The following NAA30 variants were observed in gnomAD, a reference collection of about 807,000 sequenced individuals.
NAA30 encodes N-alpha-acetyltransferase 30.
Under a neutral mutation model 31.4 loss-of-function variants are expected in NAA30, and 5 were observed. That is an observed-to-expected ratio of 0.16 (90% CI 0.08 to 0.33). The LOEUF is 0.33. NAA30 is among the 10% of genes least tolerant of loss of function. The probability of loss-of-function intolerance (pLI) is 1.00; values close to 1 mark genes in which losing one functional copy is unlikely to be tolerated. For missense variants in NAA30, 428 were observed against 490.8 expected, an observed-to-expected ratio of 0.87 and a Z score of 1.21; for synonymous variants, 222 against 207.1, an observed-to-expected ratio of 1.07 and a Z score of -0.62.
chr14:57,390,593 C>G lies in NAA30; in HGVS notation c.-114C>G, dbSNP rs1022318231. The G allele has an allele frequency of 1.1e-5, 3 of 281,168 alleles. No individual in the cohort carries two copies. Among genetic ancestry groups the G allele is most frequent in the African/African-American group, 6.6e-5 (3 of 45,434 alleles). The allele number at this position is 281,168 out of a possible 1,614,324, so 17.4% of individuals were successfully genotyped here. ...TAACAGCTGAGGCGCTTTACGGCGACGGCGGCTGAGTGAGAACCTTGGCGG... is the reference window on the plus strand; with the variant it reads ...TAACAGCTGAGGCGCTTTACGGCGAGGGCGGCTGAGTGAGAACCTTGGCGG... On this transcript the variant is annotated 5_prime_UTR_variant, in exon 1 of 5. Coordinates refer to ENST00000556492, the MANE Select transcript of NAA30 (RefSeq NM_001011713.3).
intron 4 of NAA30, among the ~76,000 whole-genome samples, chr14:57,407,332 G>T (rs1241176399): frequency 2.0e-5 from 3 of 152,172 alleles, no homozygotes; most frequent in Non-Finnish European, 2.9e-5. Context: ...ATCTTTTAAA[G>T]GTTTAGATTT....
Position 57,412,974 on chromosome 14 carries a change from A to G in NAA30, c.*3458A>G, listed in dbSNP as rs1010032586. On this transcript the variant is annotated 3_prime_UTR_variant, in exon 5 of 5. Transcript: ENST00000556492. The stretch of plus-strand genomic sequence containing the variant: ...TGATTTTTCTAAAAGTACTCAGTCA[A>G]CTCATATGTCAGTTATCGGTACATT... 1 of 152,208 alleles carries G rather than the reference A, an allele frequency of 6.6e-6. No individual in the cohort carries two copies. The highest frequency in any genetic ancestry group is 2.4e-5 in the African/African-American group (1 of 41,460). 9.4% of individuals were successfully genotyped at this position (152,208 alleles called of 1,614,324 possible). A position where few individuals can be genotyped will look rare whatever the true frequency, so the allele number is the denominator to read the frequency against.
chr14:57,395,058 G>A (rs1219788250), intron 2 of NAA30, among the ~76,000 whole-genome samples: 3 of 152,082 alleles, frequency 2.0e-5, no homozygotes, highest in African/African-American at 2.4e-5. Flanking sequence ...AGAGTTGGTC[G>A]AGGCGATTTT....
intron 3 of NAA30, 40 bp downstream of exon 3, chr14:57,396,915 AT>A (rs781314086): frequency 6.3e-7 from 1 of 1,587,054 alleles, no homozygotes; most frequent in South Asian, 1.1e-5. Context: ...TGCCTAAGCT[AT>A]TTTCATTTTT....
In NAA30 at chr14:57,390,668, A is replaced by C; in HGVS notation, c.-39A>C. Reference sequence around the variant, plus strand: ...AGGAGGCGGCGGCGGTGGCGGAGGAAGAGGAGTGGCGGCAGCGGCGGCGGG... The same window carrying C: ...AGGAGGCGGCGGCGGTGGCGGAGGACGAGGAGTGGCGGCAGCGGCGGCGGG... On this transcript the variant is annotated 5_prime_UTR_variant, in exon 1 of 5. Transcript: ENST00000556492. 57 of 320,798 alleles carry C rather than the reference A, an allele frequency of 1.8e-4. No individual in the cohort carries two copies. The highest frequency in any genetic ancestry group is 8.5e-4 in the Middle Eastern group (1 of 1,182). The allele number at this position is 320,798 out of a possible 1,614,324, so 19.9% of individuals were successfully genotyped here.
At chr14:57,397,180 T>C (rs1311011043) in intron 3 of NAA30, among the ~76,000 whole-genome samples, 1 of 152,218 alleles carries the variant, frequency 6.6e-6, no homozygotes, top group Non-Finnish European at 1.5e-5. Context: ...CCACAAGAAA[T>C]ACTGCAATTT....
At chr14:57,396,932 GT>G (rs1245902179) in intron 3 of NAA30, 57 bp downstream of exon 3, 10 of 1,548,218 alleles carry the variant, frequency 6.5e-6, no homozygotes, top group Non-Finnish European at 6.2e-6. Flanking sequence ...TTTTTGTTGT[GT>G]TTTGAAATAA....
Position 57,390,747 on chromosome 14 carries a change from T to TG in NAA30, c.-2+45dup, listed in dbSNP as rs1448513618. 7 of 395,904 alleles carry TG rather than the reference T, an allele frequency of 1.8e-5. No individual in the cohort carries two copies. The African/African-American group carries it at 2.1e-4, about 12-fold the overall frequency. 24.5% of individuals were successfully genotyped at this position (395,904 alleles called of 1,614,324 possible). On this transcript the variant is annotated intron_variant, in intron 1 of 4. Coordinates refer to ENST00000556492, the MANE Select transcript of NAA30 (RefSeq NM_001011713.3). ...GGCCGCGAGTGACAGGGCTGGCGGGTGGGCCCGGGCGGACGGGGACGGTGG... is the reference window on the plus strand; with the variant it reads ...GGCCGCGAGTGACAGGGCTGGCGGGTGGGGCCCGGGCGGACGGGGACGGTGG...
intron 4 of NAA30, among the ~76,000 whole-genome samples, chr14:57,408,530 G>A (rs995482106): frequency 2.6e-5 from 4 of 152,144 alleles, no homozygotes; most frequent in Non-Finnish European, 5.9e-5. Flanking sequence ...TCCCTTGACC[G>A]CAGCAACATC....
Position 57,411,044 on chromosome 14 carries a change from T to C in NAA30, c.*1528T>C, listed in dbSNP as rs1048934811. ...ATTAACAGTTGGTAAAGGCCCCTTT[T>C]CAGGAAAGTTTGTTGCTTTTTTTTT... is the stretch of plus-strand genomic sequence containing the variant. On this transcript the variant is annotated 3_prime_UTR_variant, in exon 5 of 5. Transcript: ENST00000556492. 1 of 152,040 alleles carries C rather than the reference T, an allele frequency of 6.6e-6. No individual in the cohort carries two copies. Among genetic ancestry groups the C allele is most frequent in the African/African-American group, 2.4e-5 (1 of 41,320 alleles). The allele number at this position is 152,040 out of a possible 1,614,324, so 9.4% of individuals were successfully genotyped here. A position where few individuals can be genotyped will look rare whatever the true frequency, so the allele number is the denominator to read the frequency against.
rs2066422537 is a variant in NAA30, at chr14:57,390,726, G to T, written c.-2+21G>T. On this transcript the variant is annotated intron_variant, in intron 1 of 4. Transcript: ENST00000556492. ...GCGGGGTGAGCCGTGAGGAGGGGCC[G>T]CGAGTGACAGGGCTGGCGGGTGGGC... 1.9e-5 allele frequency: 8 copies of T among 419,238 alleles called. No homozygotes were observed. In the East Asian group the frequency reaches 2.9e-4, roughly 15 times the overall value. 26.0% of individuals were successfully genotyped at this position (419,238 alleles called of 1,614,324 possible).
intron 4 of NAA30, among the ~76,000 whole-genome samples, chr14:57,407,993 G>T (rs2066506575): frequency 6.6e-6 from 1 of 152,156 alleles, no homozygotes; most frequent in Non-Finnish European, 1.5e-5. Context: ...CAGGTTTGAG[G>T]CATTGGTGTG....
chr14:57,414,842 C>G lies in NAA30; in HGVS notation c.*5326C>G, dbSNP rs1185321558. 1 of 152,182 alleles carries G rather than the reference C, an allele frequency of 6.6e-6. No homozygotes were observed. The highest frequency in any genetic ancestry group is 2.4e-5 in the African/African-American group (1 of 41,450). The allele number at this position is 152,182 out of a possible 1,614,324, so 9.4% of individuals were successfully genotyped here. ...TGTTGAGGAAAGAGCTCAAAACATG[C>G]ATTACTTTGGGGATTAAGTCAGTGT... On this transcript the variant is annotated 3_prime_UTR_variant, in exon 5 of 5. Transcript: ENST00000556492.
Position 57,415,736 on chromosome 14 carries a change from T to C in NAA30, c.*6220T>C, listed in dbSNP as rs2066544294. On this transcript the variant is annotated 3_prime_UTR_variant, in exon 5 of 5. Transcript: ENST00000556492. ...TTTAGGCCAGGATTTCTCATGATTGTATATGGTTATTGATCATTTTTAAGG... is the reference window on the plus strand; with the variant it reads ...TTTAGGCCAGGATTTCTCATGATTGCATATGGTTATTGATCATTTTTAAGG... 1 of 152,202 alleles carries C rather than the reference T, an allele frequency of 6.6e-6. No individual in the cohort carries two copies. Among genetic ancestry groups the C allele is most frequent in the Non-Finnish European group, 1.5e-5 (1 of 68,044 alleles). The allele number at this position is 152,202 out of a possible 1,614,324, so 9.4% of individuals were successfully genotyped here.
chr14:57,396,928 TTG>T (rs2066453145), intron 3 of NAA30, 53 bp downstream of exon 3: 3 of 1,567,876 alleles, frequency 1.9e-6, no homozygotes, highest in Non-Finnish European at 2.6e-6. Context: ...TTCATTTTTG[TTG>T]TGTTTTGAAA....
chr14:57,393,893 C>T (rs577996448), intron 2 of NAA30, among the ~76,000 whole-genome samples: 1 of 152,184 alleles, frequency 6.6e-6, no homozygotes, highest in African/African-American at 2.4e-5. Context: ...ACCCTTGATC[C>T]ATTCAGTGAA....
At chr14:57,399,138 C>T (rs1378206076) in intron 3 of NAA30, among the ~76,000 whole-genome samples, 3 of 152,240 alleles carry the variant, frequency 2.0e-5, no homozygotes, top group Non-Finnish European at 4.4e-5. Flanking sequence ...GCTGGGATTA[C>T]AGGCGTGAAC....
chr14:57,408,418 G>A (rs2066509163), intron 4 of NAA30, among the ~76,000 whole-genome samples: 1 of 152,110 alleles, frequency 6.6e-6, no homozygotes, highest in African/African-American at 2.4e-5. Flanking sequence ...TCATTGTCAG[G>A]GCCACTGGCT....
At chr14:57,397,295 T>C (rs937896127) in intron 3 of NAA30, among the ~76,000 whole-genome samples, 1 of 152,214 alleles carries the variant, frequency 6.6e-6, no homozygotes, top group African/African-American at 2.4e-5. Flanking sequence ...TTGTTACCAT[T>C]ACTTGGTGCT....
Sources: gnomAD v4.1 joint callset for allele counts (sites outside exome capture counted in the v4.1 genomes callset) on GRCh38, gnomAD v4.1.1 for gene constraint, MANE v1.5 for transcripts, NCBI Gene and HGNC (gene_info 2026-07-23, HGNC 2026-07-21) for gene names.